Variants in RGS9 observed in about 807,000 individuals in gnomAD.
RGS9 encodes regulator of G-protein signalling 9.
A neutral mutation model predicts 102.0 loss-of-function variants in RGS9; 78 were observed. The observed-to-expected ratio is 0.76, with a 90% confidence interval of 0.64 to 0.92. The LOEUF (loss-of-function observed/expected upper bound fraction) is 0.92, where lower values mean the gene tolerates loss of function less well. Ranked by LOEUF, RGS9 falls within the 40% of genes least tolerant of loss-of-function variation. RGS9 has a pLI of 0.00. For synonymous variants in RGS9, 353 were observed against 318.6 expected, an observed-to-expected ratio of 1.11 and a Z score of -1.15; for missense variants, 833 against 866.1, an observed-to-expected ratio of 0.96 and a Z score of 0.48.
chr17:65,177,870 T>C, intron 9 of RGS9, 67 bp downstream of exon 9: 2 of 1,197,346 alleles, frequency 1.7e-6, no homozygotes, highest in Non-Finnish European at 2.5e-6. Context: ...GGTGTCCACA[T>C]GTCTATTCGT....
At chr17:65,139,384 A>G (rs1910067798) in intron 1 of RGS9, among the ~76,000 whole-genome samples, 3 of 150,724 alleles carry the variant, frequency 2.0e-5, no homozygotes, top group Admixed American at 1.3e-4. Context: ...CCACATTCCC[A>G]GCATAAAGTC....
rs1486369477 is a variant in RGS9 at position 65,193,593 on chromosome 17, G to C, written c.797G>C (p.Gly266Ala). Residue 266 changes from glycine to alanine, a missense_variant, in exon 12 of 19, where the codon GGC (glycine) becomes GCC (alanine). Gly to Ala is a moderately conservative substitution (Grantham distance 60). Transcript: ENST00000262406. The part of the protein sequence containing the change: ...QFSSNDAIMS[G>A]CLPSNPWITD... ...TCATCCAACGATGCCATCATGTCAG[G>C]CTGCCTCCCCAGCAACCCCTGGATC... is the stretch of plus-strand genomic sequence containing the variant. 3 of 1,613,944 alleles carry C rather than the reference G, an allele frequency of 1.9e-6. No individual in the cohort carries two copies. The highest frequency in any genetic ancestry group is 2.5e-6 in the Non-Finnish European group (3 of 1,179,858).
chr17:65,160,341 T>G lies in RGS9; in HGVS notation c.312+2T>G. The G allele has an allele frequency of 6.2e-7, 1 of 1,611,312 alleles. No homozygotes were observed. Among genetic ancestry groups the G allele is most frequent in the Non-Finnish European group, 8.5e-7 (1 of 1,177,450 alleles). ...GATGGCAGCCTCTACAGATTTCAGG[T>G]GAGTCTTGGCCTTGACCCTGGCTGT... is the stretch of plus-strand genomic sequence containing the variant. On this transcript the variant is annotated splice_donor_variant, in intron 4 of 18. Transcript: ENST00000262406. LOFTEE classifies it high-confidence loss of function.
chr17:65,210,516 C>A lies in RGS9; in HGVS notation c.1318C>A (p.Leu440Met). ...CACCCTCCCTTTTATGCGGCGTCAC[C>A]TGCGCTCCAGCCCAAGCCCTGTCAT... ...SSTLPFMRRHLRSSPSPVILR... is the reference protein window; with the variant it reads ...SSTLPFMRRHMRSSPSPVILR... Residue 440 changes from leucine (L) to methionine (M), a missense_variant, in exon 17 of 19, where the codon CTG (leucine) becomes ATG (methionine). Physicochemically the swap from Leu to Met is conservative, Grantham distance 15 (BLOSUM62 2). Coordinates refer to ENST00000262406, the MANE Select transcript of RGS9 (RefSeq NM_003835.4). 1 of 1,613,776 alleles carries A rather than the reference C, an allele frequency of 6.2e-7. No individual in the cohort carries two copies. The highest frequency in any genetic ancestry group is 8.5e-7 in the Non-Finnish European group (1 of 1,180,002).
intron 9 of RGS9, among the ~76,000 whole-genome samples, chr17:65,184,707 C>A (rs952888068): frequency 6.6e-6 from 1 of 151,240 alleles, no homozygotes; most frequent in African/African-American, 2.4e-5. Flanking sequence ...CTCCTTCATT[C>A]TGTCTCTCCC....
At chr17:65,176,629 A>AT (rs1911634184) in intron 8 of RGS9, among the ~76,000 whole-genome samples, 1 of 152,178 alleles carries the variant, frequency 6.6e-6, no homozygotes, top group African/African-American at 2.4e-5. Context: ...AAGCCCATGT[A>AT]TTAGTCTCAG....
intron 7 of RGS9, 76 bp from the exon 8 acceptor site, chr17:65,168,124 C>A: frequency 1.1e-6 from 1 of 935,872 alleles, no homozygotes; most frequent in East Asian, 2.6e-5. Flanking sequence ...GGGTCTAGGT[C>A]ATCAGGAATG....
intron 8 of RGS9, among the ~76,000 whole-genome samples, chr17:65,172,102 T>C (rs1911442557): frequency 6.6e-6 from 1 of 152,188 alleles, no homozygotes; most frequent in Non-Finnish European, 1.5e-5. Flanking sequence ...GCAAAATAAA[T>C]TGAGGTATAT....
chr17:65,159,900 G>C (rs910432576), intron 3 of RGS9, among the ~76,000 whole-genome samples: 2 of 152,198 alleles, frequency 1.3e-5, no homozygotes, highest in African/African-American at 4.8e-5. Context: ...CAGACCCAAA[G>C]GGCCTATAGA....
At chr17:65,211,313 T>C (rs999696426) in intron 17 of RGS9, among the ~76,000 whole-genome samples, 2 of 152,196 alleles carry the variant, frequency 1.3e-5, no homozygotes, top group Non-Finnish European at 2.9e-5. Flanking sequence ...TAGTCATAAT[T>C]ACTGGAGGGT....
intron 9 of RGS9, among the ~76,000 whole-genome samples, chr17:65,188,253 GA>G (rs1912209883): frequency 1.3e-5 from 2 of 152,196 alleles, no homozygotes; most frequent in African/African-American, 4.8e-5. Context: ...GCCTGAACAT[GA>G]AGCCCCTCTT....
chr17:65,153,929 A>C (rs1910678549), intron 2 of RGS9, among the ~76,000 whole-genome samples: 1 of 152,054 alleles, frequency 6.6e-6, no homozygotes, highest in African/African-American at 2.4e-5. Context: ...TTTATTTCTA[A>C]ATAAAGTTTT....
intron 17 of RGS9, among the ~76,000 whole-genome samples, chr17:65,213,824 A>C (rs1407042156): frequency 1.3e-5 from 2 of 152,238 alleles, no homozygotes; most frequent in Non-Finnish European, 2.9e-5. Flanking sequence ...ACAGCACGTA[A>C]ACAAAGCAGA....
chr17:65,216,267 A>AT (rs1158625132), intron 17 of RGS9, among the ~76,000 whole-genome samples: 2 of 152,162 alleles, frequency 1.3e-5, no homozygotes, highest in South Asian at 2.1e-4. Flanking sequence ...TGAATGTTAC[A>AT]TTTTTTTTAA....
At chr17:65,157,022 G>A (rs145460245) in intron 2 of RGS9, among the ~76,000 whole-genome samples, 65 of 152,308 alleles carry the variant, frequency 4.3e-4, no homozygotes, top group African/African-American at 1.5e-3. Context: ...AGCCATGGTC[G>A]TAGGCAGGCA....
chr17:65,185,890 GC>G (rs1160116201), intron 9 of RGS9, among the ~76,000 whole-genome samples: 2 of 152,216 alleles, frequency 1.3e-5, no homozygotes, highest in African/African-American at 4.8e-5. Context: ...TGCAAATACA[GC>G]TCCCTGCAGG....
intron 17 of RGS9, among the ~76,000 whole-genome samples, chr17:65,224,465 A>T (rs994375839): frequency 3.9e-5 from 6 of 152,244 alleles, no homozygotes; most frequent in African/African-American, 1.4e-4. Flanking sequence ...AAGGGTGGTC[A>T]CTGTGGATAC....
chr17:65,227,184 G>A lies in RGS9; in HGVS notation c.1893-91G>A, dbSNP rs1905726628. 25 of 1,576,256 alleles carry A rather than the reference G, an allele frequency of 1.6e-5. 1 individual carries two copies. The South Asian group carries it at 1.8e-4, about 11-fold the overall frequency. On this transcript the variant is annotated intron_variant, in intron 18 of 18. Transcript: ENST00000262406. ...AGTCTTTGGCAAATGCACCTGGTAT[G>A]TTCATCTTCAAGGATGTCAGGATGA...
chr17:65,176,716 C>A (rs1326783934), intron 8 of RGS9, among the ~76,000 whole-genome samples: 1 of 139,790 alleles, frequency 7.2e-6, no homozygotes, highest in Non-Finnish European at 1.5e-5. Context: ...CTCAACCATC[C>A]ATCCATCCAT....
Sources: gnomAD v4.1 joint callset for allele counts (sites outside exome capture counted in the v4.1 genomes callset) on GRCh38, gnomAD v4.1.1 for gene constraint, MANE v1.5 for transcripts, NCBI Gene and HGNC (gene_info 2026-07-23, HGNC 2026-07-21) for gene names.